The following EXT1 variants were observed in gnomAD, a reference collection of about 807,000 sequenced individuals.
EXT1 encodes exostosin glycosyltransferase 1.
EXT1 carries 20 observed loss-of-function variants against 82.5 expected under a neutral mutation model. The ratio of observed to expected loss-of-function variants is 0.24; its 90% CI spans 0.17 to 0.35. EXT1 has a LOEUF of 0.35. Ranked by LOEUF, EXT1 falls within the 10% of genes least tolerant of loss-of-function variation. The probability of loss-of-function intolerance (pLI) is 1.00; values close to 1 mark genes in which losing one functional copy is unlikely to be tolerated. For missense variants in EXT1, 757 were observed against 936.5 expected (o/e 0.81, Z 2.50); for synonymous variants, 348 against 350.8 (o/e 0.99, Z 0.09).
intron 1 of EXT1, among the ~76,000 whole-genome samples, chr8:117,873,436 TTGTCC>T (rs1427023367): frequency 6.6e-6 from 1 of 151,018 alleles, no homozygotes; most frequent in Non-Finnish European, 1.5e-5. Context: ...AAGACCAATG[TTGTCC>T]TGTGACTTTT....
intron 1 of EXT1, among the ~76,000 whole-genome samples, chr8:117,845,897 G>A (rs1188614363): frequency 6.6e-6 from 1 of 152,184 alleles, no homozygotes; most frequent in Non-Finnish European, 1.5e-5. Context: ...CCAGTTTACA[G>A]ATGATGAAGT....
intron 1 of EXT1, among the ~76,000 whole-genome samples, chr8:117,895,047 A>T (rs1813312120): frequency 6.6e-6 from 1 of 152,208 alleles, no homozygotes; most frequent in Admixed American, 6.5e-5. Flanking sequence ...TCAAATTGTC[A>T]CAACCTCTGA....
In EXT1 at chr8:118,087,679, G is replaced by GA. The variant is rs562068012; in HGVS notation, c.962+22405dup. 1.5e-3 allele frequency among the ~76,000 whole-genome samples: 227 copies of GA among 151,876 alleles called. 2 individuals carry two copies. The highest frequency in any genetic ancestry group is 9.4e-4 in the Non-Finnish European group (64 of 67,910). ...TTAATGACAAACTTTTACTACAACA[G>GA]AAAAAAAATTTTTTAATAAAAGATA... On this transcript the variant is annotated intron_variant, in intron 1 of 10. Coordinates refer to ENST00000378204, the MANE Select transcript of EXT1 (RefSeq NM_000127.3).
At chr8:117,899,100 AT>A (rs888439274) in intron 1 of EXT1, among the ~76,000 whole-genome samples, 2 of 152,214 alleles carry the variant, frequency 1.3e-5, no homozygotes, top group Admixed American at 1.3e-4. Flanking sequence ...GAATACATTT[AT>A]TCTATACTGA....
At chr8:117,828,370 C>T (rs1365898032) in intron 4 of EXT1, among the ~76,000 whole-genome samples, 3 of 151,984 alleles carry the variant, frequency 2.0e-5, no homozygotes, top group Non-Finnish European at 4.4e-5. Context: ...GGCAACATAA[C>T]GAGACCTTGT....
chr8:117,928,352 T>G (rs112189047), intron 1 of EXT1, among the ~76,000 whole-genome samples: 20 of 152,342 alleles, frequency 1.3e-4, no homozygotes, highest in Non-Finnish European at 2.5e-4. Context: ...CCACAGTGCC[T>G]GGCATGTAAC....
chr8:118,018,404 A>G (rs545078168), intron 1 of EXT1, among the ~76,000 whole-genome samples: 45 of 152,258 alleles, frequency 3.0e-4, no homozygotes, highest in African/African-American at 1.0e-3. Context: ...AACACCAAAG[A>G]TTGCCAGAAA....
intron 1 of EXT1, among the ~76,000 whole-genome samples, chr8:117,905,882 G>A (rs944628575): frequency 1.3e-5 from 2 of 152,128 alleles, no homozygotes; most frequent in African/African-American, 2.4e-5. Flanking sequence ...CTATAATCTC[G>A]AACGGAGTCA....
chr8:117,839,563 T>G (rs1812241568), intron 1 of EXT1, among the ~76,000 whole-genome samples: 1 of 152,198 alleles, frequency 6.6e-6, no homozygotes, highest in Non-Finnish European at 1.5e-5. Flanking sequence ...CTTAGAACAA[T>G]GATTTTCATT....
intron 1 of EXT1, among the ~76,000 whole-genome samples, chr8:118,051,385 T>C (rs911986682): frequency 3.9e-5 from 6 of 152,178 alleles, no homozygotes; most frequent in Admixed American, 3.3e-4. Flanking sequence ...AGTTTACATA[T>C]TAGCATATGA....
chr8:118,075,452 TAC>T (rs904750223), intron 1 of EXT1, among the ~76,000 whole-genome samples: 14 of 152,342 alleles, frequency 9.2e-5, no homozygotes, highest in Admixed American at 9.1e-4. Context: ...CGCTGCACCC[TAC>T]ACAGTGTTTC....
chr8:117,914,471 CG>C (rs1342115422), intron 1 of EXT1, among the ~76,000 whole-genome samples: 1 of 152,006 alleles, frequency 6.6e-6, no homozygotes, highest in Non-Finnish European at 1.5e-5. Context: ...TGACTGCCTG[CG>C]GGGTTGGGCA....
intron 1 of EXT1, among the ~76,000 whole-genome samples, chr8:117,860,975 G>A (rs1451161226): frequency 2.0e-5 from 3 of 152,180 alleles, no homozygotes; most frequent in Admixed American, 6.5e-5. Flanking sequence ...AGGGACGAAC[G>A]ATTTGACTTT....
chr8:117,927,393 C>A (rs550149534), intron 1 of EXT1, among the ~76,000 whole-genome samples: 55 of 1,902 alleles, frequency 0.029, no homozygotes, highest in Non-Finnish European at 0.095. Flanking sequence ...ATTTTGGCTT[C>A]TTTAAGCTAG....
At chr8:117,994,425 A>C (rs1213203734) in intron 1 of EXT1, among the ~76,000 whole-genome samples, 1 of 152,208 alleles carries the variant, frequency 6.6e-6, no homozygotes. Context: ...CAGCCTGAGC[A>C]ACATGGCAAA....
chr8:117,916,227 T>C (rs1053494753), intron 1 of EXT1, among the ~76,000 whole-genome samples: 3 of 152,258 alleles, frequency 2.0e-5, no homozygotes, highest in African/African-American at 7.2e-5. Flanking sequence ...TTTCATTTCC[T>C]TGACACCTGG....
At chr8:117,984,892 C>G (rs10955845) in intron 1 of EXT1, among the ~76,000 whole-genome samples, 1 of 151,800 alleles carries the variant, frequency 6.6e-6, no homozygotes, top group Non-Finnish European at 1.5e-5. Context: ...ATCAACAACC[C>G]GAAAAGCTTG....
chr8:117,987,380 G>A (rs2129780194), intron 1 of EXT1, among the ~76,000 whole-genome samples: 1 of 152,338 alleles, frequency 6.6e-6, no homozygotes, highest in East Asian at 1.9e-4. Flanking sequence ...AATGGCAAGG[G>A]TTGGGGAGAA....
At chr8:117,838,998 T>C (rs1287879007) in intron 1 of EXT1, among the ~76,000 whole-genome samples, 1 of 152,182 alleles carries the variant, frequency 6.6e-6, no homozygotes, top group African/African-American at 2.4e-5. Context: ...TCAAAGTTCC[T>C]AGTTGCAGAA....
Sources: allele counts gnomAD v4.1 joint callset (sites outside exome capture counted in the v4.1 genomes callset), GRCh38; gene constraint gnomAD v4.1.1; transcripts MANE v1.5; gene names NCBI Gene and HGNC (gene_info 2026-07-23, HGNC 2026-07-21).